SLC41A3: variants seen among roughly 807,000 people sequenced by gnomAD.
SLC41A3 encodes the protein SLC41A1-like 2.
SLC41A3 carries 44 observed loss-of-function variants against 45.4 expected under a neutral mutation model. The ratio of observed to expected loss-of-function variants is 0.97; its 90% confidence interval spans 0.76 to 1.25. SLC41A3 has a LOEUF of 1.25. Ranked by LOEUF, SLC41A3 falls within the 50% of genes most tolerant of loss-of-function variation. The pLI, the probability that SLC41A3 is intolerant of heterozygous loss-of-function variation, is 0.00. For synonymous variants in SLC41A3, 256 were observed against 252.4 expected, an observed-to-expected ratio of 1.01 and a Z score of -0.13; for missense variants, 550 against 600.6, an observed-to-expected ratio of 0.92 and a Z score of 0.88.
At chr3:126,021,890 T>C (rs564040328) in intron 6 of SLC41A3, among the ~76,000 whole-genome samples, 1 of 152,334 alleles carries the variant, frequency 6.6e-6, no homozygotes, top group African/African-American at 2.4e-5. Flanking sequence ...AGAATTTACA[T>C]TAAAATAACA....
chr3:126,029,503 C>A (rs931356907), intron 4 of SLC41A3, among the ~76,000 whole-genome samples: 8 of 152,176 alleles, frequency 5.3e-5, no homozygotes, highest in African/African-American at 1.9e-4. Flanking sequence ...TCCTGTACAG[C>A]CTGTGGAACC....
chr3:126,078,024 ACTGCCTACTCCCAC>A (rs1436531270), intron 1 of SLC41A3, among the ~76,000 whole-genome samples: 1 of 152,084 alleles, frequency 6.6e-6, no homozygotes, highest in Admixed American at 6.5e-5. Context: ...AGAGATGGGA[ACTGCCTACTCCCAC>A]CTGCCTCCCA....
At chr3:126,063,631 A>G (rs1267330917) in intron 2 of SLC41A3, among the ~76,000 whole-genome samples, 1 of 152,162 alleles carries the variant, frequency 6.6e-6, no homozygotes, top group Non-Finnish European at 1.5e-5. Flanking sequence ...TCACTGACAC[A>G]CAAAACATAA....
At chr3:126,054,252 G>C (rs1943520989) in intron 2 of SLC41A3, among the ~76,000 whole-genome samples, 1 of 152,178 alleles carries the variant, frequency 6.6e-6, no homozygotes, top group Non-Finnish European at 1.5e-5. Context: ...CAAACCCACA[G>C]CACTGGAGTC....
chr3:126,089,693 C>T (rs1317161319), intron 1 of SLC41A3, among the ~76,000 whole-genome samples: 1 of 152,184 alleles, frequency 6.6e-6, no homozygotes, highest in African/African-American at 2.4e-5. Flanking sequence ...AAAAACTAAA[C>T]TAGAGAATTT....
intron 1 of SLC41A3, among the ~76,000 whole-genome samples, chr3:126,091,370 C>T (rs1484357032): frequency 6.6e-6 from 1 of 151,996 alleles, no homozygotes; most frequent in Non-Finnish European, 1.5e-5. Context: ...AAAGACAACA[C>T]ATGAAAGATT....
chr3:126,038,476 A>T (rs1942365020), intron 3 of SLC41A3, among the ~76,000 whole-genome samples: 3 of 152,236 alleles, frequency 2.0e-5, no homozygotes, highest in Admixed American at 2.0e-4. Flanking sequence ...AACGCAGGAC[A>T]TGGAGTCAAG....
At chr3:126,065,292 G>A (rs1368094007) in intron 2 of SLC41A3, among the ~76,000 whole-genome samples, 11 of 152,218 alleles carry the variant, frequency 7.2e-5, no homozygotes, top group Admixed American at 3.9e-4. Flanking sequence ...TAATCAATGC[G>A]TGCTGTTTTA....
At chr3:126,091,650 A>C (rs1576387175) in intron 1 of SLC41A3, among the ~76,000 whole-genome samples, 2 of 152,300 alleles carry the variant, frequency 1.3e-5, no homozygotes, top group Middle Eastern at 6.8e-3. Flanking sequence ...CAGACTTAAA[A>C]AGTTGTCAGA....
intron 2 of SLC41A3, among the ~76,000 whole-genome samples, chr3:126,052,877 T>C (rs989247533): frequency 3.3e-5 from 5 of 152,314 alleles, no homozygotes; most frequent in South Asian, 2.1e-4. Context: ...ACCCTTCCAC[T>C]GTGCACACAG....
In SLC41A3 at chr3:126,026,817, A is replaced by C. The variant is rs1481739649; in HGVS notation, c.454-338T>G. Reference sequence around the variant, plus strand: ...CTCCACTCTCACTGGTCTGAGCAGAAGTCCTCTGCAACTCCCGGCAGTGCA... The same window carrying C: ...CTCCACTCTCACTGGTCTGAGCAGACGTCCTCTGCAACTCCCGGCAGTGCA... On this transcript the variant is annotated intron_variant, in intron 4 of 10. Coordinates refer to ENST00000360370, the MANE Select transcript of SLC41A3 (RefSeq NM_017836.4). The surrounding 1 kb of genome is among the most constrained non-coding windows in gnomAD (Gnocchi z 4.2). 6.6e-6 allele frequency among the ~76,000 whole-genome samples: 1 copy of C among 152,184 alleles called. No individual in the cohort carries two copies. Among genetic ancestry groups the C allele is most frequent in the African/African-American group, 2.4e-5 (1 of 41,442 alleles).
intron 1 of SLC41A3, among the ~76,000 whole-genome samples, chr3:126,100,321 C>T (rs558585479): frequency 7.2e-5 from 11 of 152,224 alleles, no homozygotes; most frequent in African/African-American, 2.4e-4. Context: ...AATGTCCCAC[C>T]GCCCCAGCTT....
In SLC41A3 at chr3:126,008,515, G is replaced by A. The variant is rs562990150; in HGVS notation, c.1254+217C>T. ...GTGTGGTGTGGAGTGTGTGGGATGC[G>A]CTGTGTGGTGTGGAGTGTGTGGCAT... On this transcript the variant is annotated intron_variant, in intron 10 of 10. Transcript: ENST00000360370. 6.6e-5 allele frequency among the ~76,000 whole-genome samples: 10 copies of A among 151,280 alleles called. 1 individual carries two copies. The highest frequency in any genetic ancestry group is 2.1e-4 in the South Asian group (1 of 4,788).
At chr3:126,078,199 C>A (rs1014093112) in intron 1 of SLC41A3, among the ~76,000 whole-genome samples, 1 of 152,206 alleles carries the variant, frequency 6.6e-6, no homozygotes, top group Non-Finnish European at 1.5e-5. Context: ...TCCCTTAGGT[C>A]CTAACAGCAG....
intron 3 of SLC41A3, among the ~76,000 whole-genome samples, chr3:126,050,421 G>T (rs557401991): frequency 2.6e-5 from 4 of 152,348 alleles, no homozygotes; most frequent in Admixed American, 6.5e-5. Flanking sequence ...GGTGTGAGAA[G>T]AGCTGGTAAA....
intron 3 of SLC41A3, among the ~76,000 whole-genome samples, chr3:126,034,353 A>C (rs1471975441): frequency 6.6e-6 from 1 of 152,266 alleles, no homozygotes; most frequent in African/African-American, 2.4e-5. Flanking sequence ...TCAAGACATA[A>C]ATCAGAAAAG....
chr3:126,056,319 T>C, intron 2 of SLC41A3: 1 of 1,596,420 alleles, frequency 6.3e-7, no homozygotes, highest in South Asian at 1.1e-5. Context: ...CCAGTCTGTG[T>C]GTCTCCCACC....
intron 4 of SLC41A3, 95 bp downstream of exon 4, chr3:126,033,512 T>G (rs1576267930): frequency 1.5e-6 from 2 of 1,346,318 alleles, no homozygotes; most frequent in Non-Finnish European, 2.1e-6. Context: ...CAGGCCAGAG[T>G]GCAGGGACAA....
At chr3:126,097,267 C>T (rs1234262012) in intron 1 of SLC41A3, among the ~76,000 whole-genome samples, 5 of 152,102 alleles carry the variant, frequency 3.3e-5, no homozygotes, top group East Asian at 1.9e-4. Flanking sequence ...AGTGTGCCCC[C>T]GGAAGATCAT....
Sources: allele counts gnomAD v4.1 joint callset (sites outside exome capture counted in the v4.1 genomes callset), GRCh38; gene constraint gnomAD v4.1.1; non-coding constraint Gnocchi (gnomAD v3.1); transcripts MANE v1.5; gene names NCBI Gene and HGNC (gene_info 2026-07-23, HGNC 2026-07-21).